RAPGEF1: variants seen among roughly 807,000 people sequenced by gnomAD.
RAPGEF1 encodes CRK SH3-binding GNRP.
A neutral mutation model predicts 143.3 loss-of-function variants in RAPGEF1; 33 were observed. The ratio of observed to expected loss-of-function variants is 0.23; its 90% CI spans 0.17 to 0.31. RAPGEF1 has a LOEUF of 0.31. RAPGEF1 is among the 10% of genes least tolerant of loss of function. The probability of loss-of-function intolerance (pLI) is 1.00; values close to 1 mark genes in which losing one functional copy is unlikely to be tolerated. For synonymous variants in RAPGEF1, 629 were observed against 676.5 expected, an observed-to-expected ratio of 0.93 and a Z score of 1.09; for missense variants, 1,199 against 1,645.4, an observed-to-expected ratio of 0.73 and a Z score of 4.69.
Position 131,675,727 on chromosome 9 carries a change from T to G in RAPGEF1, c.62-24778A>C, listed in dbSNP as rs577796127. On this transcript the variant is annotated intron_variant, in intron 1 of 26. Coordinates refer to ENST00000683357, the MANE Select transcript of RAPGEF1 (RefSeq NM_001377935.1). This position sits in a 1 kb window ranked among gnomAD's most constrained non-coding sequence, Gnocchi z 4.6. Reference sequence around the variant, plus strand: ...GGTTAGTCAGGAGCTAGTCTACTTCTTGCTCCTCAAAAGATAGCCTGTAAT... The same window carrying G: ...GGTTAGTCAGGAGCTAGTCTACTTCGTGCTCCTCAAAAGATAGCCTGTAAT... 6.6e-6 allele frequency among the ~76,000 whole-genome samples: 1 copy of G among 152,342 alleles called. No homozygotes were observed. The highest frequency in any genetic ancestry group is 6.5e-5 in the Admixed American group (1 of 15,306).
At chr9:131,724,361 C>T (rs760988404) in intron 1 of RAPGEF1, among the ~76,000 whole-genome samples, 9 of 152,078 alleles carry the variant, frequency 5.9e-5, no homozygotes, top group South Asian at 2.1e-4. Flanking sequence ...TTTGGGAGGC[C>T]GAGGCAGGTG....
intron 1 of RAPGEF1, among the ~76,000 whole-genome samples, chr9:131,686,921 T>C (rs190117862): frequency 1.3e-5 from 2 of 152,380 alleles, no homozygotes; most frequent in African/African-American, 2.4e-5. Context: ...AGTTGAACTA[T>C]GATAGCGTTC....
chr9:131,619,070 C>T lies in RAPGEF1; in HGVS notation c.2042G>A (p.Gly681Asp). The T allele has an allele frequency of 7.4e-7, 1 of 1,359,356 alleles. No homozygotes were observed. The highest frequency in any genetic ancestry group is 4.6e-5 in the East Asian group (1 of 21,714). The allele number at this position is 1,359,356 out of a possible 1,614,324, so 84.2% of individuals were successfully genotyped here. The change falls in exon 12 of 27, where the codon GGC becomes GAC. Residue 681 changes from glycine to aspartate, a missense_variant. Coordinates refer to ENST00000683357, the MANE Select transcript of RAPGEF1 (RefSeq NM_001377935.1). ...SVSNSFLSRHGSLPVPSYKSV... is the reference protein window; with the variant it reads ...SVSNSFLSRHDSLPVPSYKSV... ...ACTCACCGAGGGCACGGGCAAGCTG[C>T]CGTGCCGGCTGAGAAAGGAGTTAGA...
intron 22 of RAPGEF1, among the ~76,000 whole-genome samples, chr9:131,585,250 A>T (rs561034580): frequency 1.1e-4 from 16 of 152,190 alleles, no homozygotes; most frequent in Admixed American, 2.6e-4. Flanking sequence ...CTGTGAGTAT[A>T]TCTCACTGTA....
intron 26 of RAPGEF1, 121 bp from the exon 27 acceptor site, chr9:131,579,768 G>T: frequency 9.3e-7 from 1 of 1,078,590 alleles, no homozygotes; most frequent in Non-Finnish European, 1.3e-6. Flanking sequence ...AACGGATGCT[G>T]CAGGGGCTAC....
At chr9:131,638,893 C>G (rs953350134) in intron 4 of RAPGEF1, 102 bp from the exon 5 acceptor site, 2 of 1,255,224 alleles carry the variant, frequency 1.6e-6, no homozygotes, top group African/African-American at 3.0e-5. Context: ...CTCCAACTTT[C>G]TTTGTGCAAA....
chr9:131,598,335 G>A, intron 15 of RAPGEF1, 25 bp from the exon 16 acceptor site: 2 of 1,599,132 alleles, frequency 1.3e-6, no homozygotes, highest in Non-Finnish European at 1.7e-6. Context: ...GGTTTGTGTT[G>A]CAAGTGTCAA....
At position 131,663,979 on chromosome 9, in the gene RAPGEF1, A is replaced by G. The variant is rs572949912; in HGVS notation, c.62-13030T>C. On this transcript the variant is annotated intron_variant, in intron 1 of 26. Transcript: ENST00000683357. Reference sequence around the variant, plus strand: ...TATTCCTCGATATTTATTGGCTGGCATTCCTTTATAAGTAATAGGCCCCCA... The same window carrying G: ...TATTCCTCGATATTTATTGGCTGGCGTTCCTTTATAAGTAATAGGCCCCCA... 2.0e-5 allele frequency among the ~76,000 whole-genome samples: 3 copies of G among 152,296 alleles called. No individual in the cohort carries two copies. The South Asian group carries it at 6.2e-4, about 32-fold the overall frequency.
Position 131,627,937 on chromosome 9 carries a change from G to C in RAPGEF1, c.1177C>G (p.Arg393Gly). 1 of 1,586,714 alleles carries C rather than the reference G, an allele frequency of 6.3e-7. No individual in the cohort carries two copies. Among genetic ancestry groups the C allele is most frequent in the Non-Finnish European group, 8.6e-7 (1 of 1,166,612 alleles). ...SLDRDSGQCS[R>G]NTSCETLDHY... is the part of the protein sequence containing the mutation. Reference sequence around the variant, plus strand: ...CCTAGTGTTTCACAGCTTGTGTTCCGGGAGCACTGCCCACTGTCCCTGTCC... The same window carrying C: ...CCTAGTGTTTCACAGCTTGTGTTCCCGGAGCACTGCCCACTGTCCCTGTCC... Residue 393 changes from arginine (R) to glycine (G), a missense_variant, in exon 9 of 27, where the codon CGG (arginine) becomes GGG (glycine). Coordinates refer to ENST00000683357, the MANE Select transcript of RAPGEF1 (RefSeq NM_001377935.1).
chr9:131,665,469 G>A (rs78383454), intron 1 of RAPGEF1, among the ~76,000 whole-genome samples: 7,489 of 152,170 alleles, frequency 0.049, 280 homozygotes, highest in Non-Finnish European at 0.079. Flanking sequence ...GGACGACCGC[G>A]ATGGCTTTCT....
chr9:131,669,556 C>A (rs946528453), intron 1 of RAPGEF1, among the ~76,000 whole-genome samples: 7 of 152,156 alleles, frequency 4.6e-5, no homozygotes, highest in Non-Finnish European at 8.8e-5. Flanking sequence ...GCCCCCCTGC[C>A]CCTGAACGAG....
In RAPGEF1 at chr9:131,646,792, T is replaced by TA. The variant is rs374127167; in HGVS notation, c.315+3336dup. On this transcript the variant is annotated intron_variant, in intron 3 of 26. Transcript: ENST00000683357. ...TAATAAAAAACTAGAATTGCAGGAT[T>TA]AAAAAAAAAATGGCAATGCAACATT... Among the ~76,000 whole-genome samples the TA allele has an allele frequency of 5.5e-4, 82 of 149,390 alleles. 1 individual carries two copies. The East Asian group carries it at 6.3e-3, about 11-fold the overall frequency.
At chr9:131,718,322 C>T (rs1177973579) in intron 1 of RAPGEF1, among the ~76,000 whole-genome samples, 1 of 152,174 alleles carries the variant, frequency 6.6e-6, no homozygotes, top group Non-Finnish European at 1.5e-5. Flanking sequence ...ACACAGGCCA[C>T]GTCGAGGACC....
At chr9:131,613,232 G>T (rs1415168322) in intron 12 of RAPGEF1, among the ~76,000 whole-genome samples, 2 of 140,504 alleles carry the variant, frequency 1.4e-5, no homozygotes, top group African/African-American at 5.5e-5. Context: ...GGTTCATACA[G>T]CAAGTAAGGA....
At chr9:131,665,250 A>T (rs1233077877) in intron 1 of RAPGEF1, among the ~76,000 whole-genome samples, 1 of 152,044 alleles carries the variant, frequency 6.6e-6, no homozygotes, top group Non-Finnish European at 1.5e-5. Context: ...TTCCTCCCAA[A>T]CCTGCTTTGA....
intron 1 of RAPGEF1, among the ~76,000 whole-genome samples, chr9:131,729,052 C>G (rs1836852201): frequency 6.6e-6 from 1 of 152,222 alleles, no homozygotes; most frequent in African/African-American, 2.4e-5. Context: ...CACATGCTCT[C>G]AGACACTGTT....
chr9:131,737,518 G>C, intron 1 of RAPGEF1: 1 of 1,612,594 alleles, frequency 6.2e-7, no homozygotes, highest in Non-Finnish European at 8.5e-7. Flanking sequence ...CCCCCTAGCA[G>C]AAGGCGGTGC....
Position 131,628,236 on chromosome 9 carries a change from C to G in RAPGEF1, c.1018-140G>C, listed in dbSNP as rs184795443. 1.8e-4 allele frequency: 155 copies of G among 854,032 alleles called. No homozygotes were observed. Among genetic ancestry groups the G allele is most frequent in the Admixed American group, 2.7e-4 (9 of 33,822 alleles). 52.9% of individuals were successfully genotyped at this position (854,032 alleles called of 1,614,324 possible). ...AGAAACCACCTCTGACGTCAGTAGT[C>G]GAAGGACACATACAGCTGAGAAGCA... On this transcript the variant is annotated intron_variant, in intron 8 of 26. Coordinates refer to ENST00000683357, the MANE Select transcript of RAPGEF1 (RefSeq NM_001377935.1). This position sits in a 1 kb window ranked among gnomAD's most constrained non-coding sequence, Gnocchi z 5.7.
intron 1 of RAPGEF1, among the ~76,000 whole-genome samples, 190 bp from the exon 2 acceptor site, chr9:131,651,139 T>A (rs1970983679): frequency 6.6e-6 from 1 of 152,210 alleles, no homozygotes; most frequent in African/African-American, 2.4e-5. Context: ...GCAATTTTCA[T>A]CAAGGAATTG....
Sources: gnomAD v4.1 joint callset for allele counts (sites outside exome capture counted in the v4.1 genomes callset) on GRCh38, gnomAD v4.1.1 for gene constraint, Gnocchi (gnomAD v3.1) non-coding constraint, MANE v1.5 for transcripts, NCBI Gene and HGNC (gene_info 2026-07-23, HGNC 2026-07-21) for gene names.